The following PLCB4 variants were observed in gnomAD, a reference collection of about 807,000 sequenced individuals.
The protein encoded by PLCB4 is 1-phosphatidylinositol 4,5-bisphosphate phosphodiesterase beta-4.
In PLCB4, 77 loss-of-function variants were observed where a neutral mutation model predicts 178.8. That is an observed-to-expected ratio of 0.43 (90% CI 0.36 to 0.52). The LOEUF is 0.52. Among genes scored for constraint, PLCB4 ranks in the 20% least tolerant of loss-of-function variants. PLCB4 has a pLI of 0.00. For missense variants in PLCB4, 1,024 were observed against 1,453.4 expected (o/e 0.70, Z 4.80); for synonymous variants, 496 against 490.8 (o/e 1.01, Z -0.14).
intron 3 of PLCB4, among the ~76,000 whole-genome samples, chr20:9,284,494 G>A (rs1023216877): frequency 2.0e-5 from 3 of 151,904 alleles, no homozygotes; most frequent in African/African-American, 7.2e-5. Context: ...GAGATGAGGA[G>A]CCTTATGAAG....
intron 27 of PLCB4, among the ~76,000 whole-genome samples, chr20:9,423,013 C>CT (rs1365396094): frequency 2.6e-5 from 4 of 152,174 alleles, no homozygotes; most frequent in Non-Finnish European, 5.9e-5. Flanking sequence ...ATTGGATACC[C>CT]TTTTTGTAAT....
chr20:9,185,352 T>C (rs2093314713), intron 2 of PLCB4, among the ~76,000 whole-genome samples: 1 of 152,162 alleles, frequency 6.6e-6, no homozygotes, highest in Admixed American at 6.5e-5. Flanking sequence ...GGGCATATTA[T>C]TCAGTTTTGT....
intron 2 of PLCB4, among the ~76,000 whole-genome samples, chr20:9,096,888 A>C (rs564006015): frequency 1.3e-5 from 2 of 152,038 alleles, no homozygotes; most frequent in East Asian, 1.9e-4. Context: ...GAGGTTTCCA[A>C]ATTTCATGGA....
At chr20:9,220,998 A>G (rs1014809224) in intron 3 of PLCB4, among the ~76,000 whole-genome samples, 19 of 152,200 alleles carry the variant, frequency 1.2e-4, no homozygotes, top group African/African-American at 3.6e-4. Context: ...CTTAGAGCAC[A>G]TTCATGCATG....
intron 3 of PLCB4, among the ~76,000 whole-genome samples, chr20:9,270,078 G>A (rs2094387468): frequency 6.6e-6 from 1 of 151,934 alleles, no homozygotes; most frequent in South Asian, 2.1e-4. Flanking sequence ...GGTTCCCCTG[G>A]GATTTTATTA....
At chr20:9,312,352 C>CCACA (rs2094844225) in intron 4 of PLCB4, among the ~76,000 whole-genome samples, 2 of 109,686 alleles carry the variant, frequency 1.8e-5, no homozygotes, top group African/African-American at 4.6e-5. Context: ...ACCTTCCACC[C>CCACA]TACACACACA....
At chr20:9,451,355 GA>G in intron 32 of PLCB4, among the ~76,000 whole-genome samples, 1 of 152,266 alleles carries the variant, frequency 6.6e-6, no homozygotes, top group South Asian at 2.1e-4. Flanking sequence ...AATATTTAAA[GA>G]AATAGCCTTC....
At chr20:9,126,935 C>T (rs1240507048) in intron 2 of PLCB4, among the ~76,000 whole-genome samples, 1 of 152,006 alleles carries the variant, frequency 6.6e-6, no homozygotes, top group Admixed American at 6.6e-5. Flanking sequence ...TGTCACTTTC[C>T]ACTGGTTTTC....
rs140005705 is a variant in PLCB4 at position 9,103,669 on chromosome 20, T to C, written c.-79+7327T>C. Among the ~76,000 whole-genome samples the C allele has an allele frequency of 2.8e-3, 431 of 152,260 alleles. 1 individual carries two copies. The highest frequency in any genetic ancestry group is 4.7e-3 in the Non-Finnish European group (323 of 68,000). The stretch of plus-strand genomic sequence containing the variant: ...GAGCACAAAATTTGAGAGTGATTGG[T>C]CTACGTTAAATCCCCGAAGGTTGTC... On this transcript the variant is annotated intron_variant, in intron 2 of 39. Transcript: ENST00000378473.
At chr20:9,442,298 A>G (rs2042155337) in intron 30 of PLCB4, among the ~76,000 whole-genome samples, 3 of 152,260 alleles carry the variant, frequency 2.0e-5, no homozygotes, top group Admixed American at 6.5e-5. Flanking sequence ...CACGCATGGA[A>G]CATTCCCATT....
chr20:9,269,291 A>G (rs2094380222), intron 3 of PLCB4, among the ~76,000 whole-genome samples: 1 of 152,186 alleles, frequency 6.6e-6, no homozygotes, highest in South Asian at 2.1e-4. Context: ...ATGACCTCCC[A>G]CAGCTAAGGA....
intron 3 of PLCB4, among the ~76,000 whole-genome samples, chr20:9,298,148 C>A (rs976085811): frequency 6.6e-6 from 1 of 152,076 alleles, no homozygotes; most frequent in Non-Finnish European, 1.5e-5. Context: ...AATGATAACA[C>A]AAAGATACCA....
At chr20:9,147,188 T>C (rs554009745) in intron 2 of PLCB4, among the ~76,000 whole-genome samples, 1 of 152,128 alleles carries the variant, frequency 6.6e-6, no homozygotes, top group South Asian at 2.1e-4. Context: ...TTGTGGGAAA[T>C]ATGGGTTAGA....
intron 25 of PLCB4, among the ~76,000 whole-genome samples, chr20:9,413,126 G>A (rs1280019871): frequency 6.6e-6 from 1 of 152,216 alleles, no homozygotes; most frequent in Non-Finnish European, 1.5e-5. Flanking sequence ...GTCAGCCTCA[G>A]CACTCCTGGC....
intron 1 of PLCB4, among the ~76,000 whole-genome samples, chr20:9,093,033 C>T (rs1360760473): frequency 6.6e-6 from 1 of 152,074 alleles, no homozygotes; most frequent in African/African-American, 2.4e-5. Context: ...CATCTACTAG[C>T]TTAGTTTTAG....
chr20:9,277,567 C>G (rs2094460717), intron 3 of PLCB4, among the ~76,000 whole-genome samples: 1 of 152,010 alleles, frequency 6.6e-6, no homozygotes, highest in African/African-American at 2.4e-5. Flanking sequence ...TAGCTGTTAA[C>G]CTTGCACCAC....
At chr20:9,115,740 A>C (rs1163658900) in intron 2 of PLCB4, among the ~76,000 whole-genome samples, 1 of 151,990 alleles carries the variant, frequency 6.6e-6, no homozygotes, top group Non-Finnish European at 1.5e-5. Context: ...TTATTCATTT[A>C]ATTTGGATTA....
chr20:9,436,535 G>A (rs765993004), intron 29 of PLCB4, among the ~76,000 whole-genome samples: 18 of 151,896 alleles, frequency 1.2e-4, no homozygotes, highest in Middle Eastern at 3.4e-3. Flanking sequence ...TACTTTTTTT[G>A]TCAAGACAGG....
intron 14 of PLCB4, among the ~76,000 whole-genome samples, chr20:9,386,062 C>T (rs552336171): frequency 1.9e-4 from 29 of 152,314 alleles, no homozygotes; most frequent in African/African-American, 5.1e-4. Context: ...AGACCAGCCC[C>T]GTCAACAGGG....
Sources: gnomAD v4.1 joint callset for allele counts (sites outside exome capture counted in the v4.1 genomes callset) on GRCh38, gnomAD v4.1.1 for gene constraint, MANE v1.5 for transcripts, NCBI Gene and HGNC (gene_info 2026-07-23, HGNC 2026-07-21) for gene names.